ETS1: variants seen among roughly 807,000 people sequenced by gnomAD.
The protein encoded by ETS1 is ETS proto-oncogene 1, transcription factor.
ETS1 carries 15 observed loss-of-function variants against 58.6 expected under a neutral mutation model. The ratio of observed to expected loss-of-function variants is 0.26; its 90% CI spans 0.17 to 0.39. The LOEUF is 0.39. ETS1 is among the 10% of genes least tolerant of loss of function. The pLI is 1.00. For missense variants in ETS1, 417 were observed against 610.5 expected, an observed-to-expected ratio of 0.68 and a Z score of 3.34; for synonymous variants, 214 against 218.2, an observed-to-expected ratio of 0.98 and a Z score of 0.17.
chr11:128,569,318 C>CTTTTTGTTTTTTTTTTTTTTTTTTTTT (rs1864575212), intron 2 of ETS1, among the ~76,000 whole-genome samples: 1 of 39,462 alleles, frequency 2.5e-5, no homozygotes, highest in Non-Finnish European at 4.5e-5. Flanking sequence ...AGAGTTTCTT[C>CTTTTTGTTTTTTTTTTTTTTTTTTTTT]TTTTTTTTTT....
intron 3 of ETS1, among the ~76,000 whole-genome samples, chr11:128,534,791 G>A (rs1022576428): frequency 2.0e-5 from 3 of 152,170 alleles, no homozygotes; most frequent in Non-Finnish European, 4.4e-5. Context: ...ATTCCATGGT[G>A]TGTGTGTACC....
intron 1 of ETS1, among the ~76,000 whole-genome samples, chr11:128,573,834 C>T (rs917575550): frequency 3.3e-5 from 5 of 152,196 alleles, no homozygotes; most frequent in Admixed American, 1.3e-4. Flanking sequence ...CTCTGTTGAC[C>T]TAAATACTTT....
chr11:128,481,474 G>A (rs572394597), intron 7 of ETS1, among the ~76,000 whole-genome samples: 3 of 151,436 alleles, frequency 2.0e-5, no homozygotes, highest in Non-Finnish European at 4.4e-5. Flanking sequence ...ATCTAAGAGC[G>A]AAAAAGGCTC....
At chr11:128,564,018 C>G (rs1342263407) in intron 2 of ETS1, among the ~76,000 whole-genome samples, 1 of 152,150 alleles carries the variant, frequency 6.6e-6, no homozygotes, top group African/African-American at 2.4e-5. Context: ...ACCCTCCCAA[C>G]CACCCTACGG....
At chr11:128,514,539 T>G (rs1863473831) in intron 3 of ETS1, among the ~76,000 whole-genome samples, 1 of 152,226 alleles carries the variant, frequency 6.6e-6, no homozygotes, top group Admixed American at 6.5e-5. Flanking sequence ...GTGCCCCTGT[T>G]TCCCATGAAG....
chr11:128,551,317 GT>G (rs1247235658), intron 3 of ETS1, among the ~76,000 whole-genome samples: 1 of 152,136 alleles, frequency 6.6e-6, no homozygotes, highest in African/African-American at 2.4e-5. Context: ...ATCCCACCTG[GT>G]TGTGGATAGC....
At chr11:128,547,206 G>A (rs1864146093) in intron 3 of ETS1, among the ~76,000 whole-genome samples, 2 of 152,216 alleles carry the variant, frequency 1.3e-5, no homozygotes, top group African/African-American at 2.4e-5. Flanking sequence ...AACAAAATGT[G>A]CACTGCGTAC....
At chr11:128,571,988 G>A (rs1394501345) in intron 2 of ETS1, 2 of 152,018 alleles carry the variant, frequency 1.3e-5, no homozygotes, top group Non-Finnish European at 2.9e-5. Context: ...AGGTTGCAGT[G>A]AGCAGAGATC....
chr11:128,585,181 A>AAG (rs1864992921), intron 1 of ETS1, among the ~76,000 whole-genome samples: 1 of 59,420 alleles, frequency 1.7e-5, no homozygotes, highest in African/African-American at 8.9e-5. Context: ...AAAGAAAGAA[A>AAG]GAAAGAAGGA....
intron 3 of ETS1, 24 bp from the exon 4 acceptor site, chr11:128,490,600 A>T (rs904134836): frequency 3.8e-6 from 6 of 1,593,342 alleles, no homozygotes; most frequent in Non-Finnish European, 5.2e-6. Flanking sequence ...TTGCATATGA[A>T]TAACAAAAAT....
rs1236205338 is a variant in ETS1 at position 128,489,212 on chromosome 11, C to G, written c.535+78G>C. 11 of 1,258,034 alleles carry G rather than the reference C, an allele frequency of 8.7e-6. No homozygotes were observed. The Admixed American group carries it at 1.7e-4, about 19-fold the overall frequency. The allele number at this position is 1,258,034 out of a possible 1,614,324, so 77.9% of individuals were successfully genotyped here. On this transcript the variant is annotated intron_variant, in intron 5 of 9. Coordinates refer to ENST00000392668, the MANE Select transcript of ETS1 (RefSeq NM_001143820.2). Reference sequence around the variant, plus strand: ...CCCACAGATAAAGGCATTGACGTCCCACCATTGGGTGAGCCCCCTACCTAC... The same window carrying G: ...CCCACAGATAAAGGCATTGACGTCCGACCATTGGGTGAGCCCCCTACCTAC...
intron 5 of ETS1, among the ~76,000 whole-genome samples, chr11:128,488,407 G>A (rs557893370): frequency 1.8e-4 from 28 of 152,218 alleles, no homozygotes; most frequent in Non-Finnish European, 2.9e-4. Flanking sequence ...ACCAAAGGAA[G>A]GTATAATGCG....
chr11:128,586,583 T>C (rs1319745251), intron 1 of ETS1, among the ~76,000 whole-genome samples: 1 of 152,236 alleles, frequency 6.6e-6, no homozygotes, highest in African/African-American at 2.4e-5. Context: ...CTCAGTTGCA[T>C]GGCAGTGGTC....
At chr11:128,535,317 CTGGATATTAGACCTTTGTCAAA>C in intron 3 of ETS1, among the ~76,000 whole-genome samples, 1 of 152,248 alleles carries the variant, frequency 6.6e-6, no homozygotes, top group Middle Eastern at 3.4e-3. Context: ...CTTGTAGATT[CTGGATATTAGACCTTTGTCAAA>C]TGGATAGAGT....
chr11:128,472,654 C>A (rs1862217443), intron 8 of ETS1, among the ~76,000 whole-genome samples: 1 of 152,146 alleles, frequency 6.6e-6, no homozygotes, highest in South Asian at 2.1e-4. Flanking sequence ...AGGGACTGAG[C>A]ACAGTGAGGG....
Position 128,538,755 on chromosome 11 carries a change from TACACACACACACACACAC to T in ETS1, c.214+17518_214+17535del, listed in dbSNP as rs141065992. Among the ~76,000 whole-genome samples the T allele has an allele frequency of 1.7e-4, 24 of 144,972 alleles. No individual in the cohort carries two copies. The East Asian group carries it at 3.7e-3, about 23-fold the overall frequency. ...ACACACACACACACACATACACACA[TACACACACACACACACAC>T]ACACACACACACACACACCAAACCA... On this transcript the variant is annotated intron_variant, in intron 3 of 9. Transcript: ENST00000392668.
intron 3 of ETS1, among the ~76,000 whole-genome samples, chr11:128,501,889 T>A (rs1863098721): frequency 6.6e-6 from 1 of 152,202 alleles, no homozygotes; most frequent in South Asian, 2.1e-4. Context: ...GAGCCAGTTC[T>A]CCCCTCGAGT....
At chr11:128,566,528 A>C (rs2135569963) in intron 2 of ETS1, among the ~76,000 whole-genome samples, 1 of 152,340 alleles carries the variant, frequency 6.6e-6, no homozygotes, top group Non-Finnish European at 1.5e-5. Flanking sequence ...TCACACCTGT[A>C]ATCCCAGCAC....
chr11:128,558,618 T>C (rs1591661740), intron 2 of ETS1, among the ~76,000 whole-genome samples: 1 of 128,140 alleles, frequency 7.8e-6, no homozygotes, highest in Non-Finnish European at 1.5e-5. Flanking sequence ...GCCACTGCAC[T>C]CCAGCCTGGG....
Sources: gnomAD v4.1 joint callset for allele counts (sites outside exome capture counted in the v4.1 genomes callset) on GRCh38, gnomAD v4.1.1 for gene constraint, MANE v1.5 for transcripts, NCBI Gene and HGNC (gene_info 2026-07-23, HGNC 2026-07-21) for gene names.